Variants in TBC1D16 observed in about 807,000 individuals in gnomAD.
TBC1D16 encodes TBC1 domain family member 16.
Under a neutral mutation model 74.7 loss-of-function variants are expected in TBC1D16, and 58 were observed. The observed-to-expected ratio is 0.78, with a 90% CI of 0.63 to 0.97. TBC1D16 has a LOEUF of 0.97. Ranked by LOEUF, TBC1D16 falls within the 50% of genes least tolerant of loss-of-function variation. The pLI, the probability that TBC1D16 is intolerant of heterozygous loss-of-function variation, is 0.00. For missense variants in TBC1D16, 1,014 were observed against 1,079.5 expected, an observed-to-expected ratio of 0.94 and a Z score of 0.85; for synonymous variants, 493 against 474.7, an observed-to-expected ratio of 1.04 and a Z score of -0.50.
Position 79,961,409 on chromosome 17 carries a change from C to T in TBC1D16, c.780-8591G>A, listed in dbSNP as rs190792669. Among the ~76,000 whole-genome samples, 65 of 152,312 alleles carry T rather than the reference C, an allele frequency of 4.3e-4. No individual in the cohort carries two copies. Among genetic ancestry groups the T allele is most frequent in the African/African-American group, 1.4e-3 (57 of 41,562 alleles). On this transcript the variant is annotated intron_variant, in intron 3 of 11. Coordinates refer to ENST00000310924, the MANE Select transcript of TBC1D16 (RefSeq NM_019020.4). This position sits in a 1 kb window ranked among gnomAD's most constrained non-coding sequence, Gnocchi z 4.8. ...ACGGACTGCTGGTGGGAATGCAACA[C>T]GGCAAACCACTTTAGGAAAGCAGTT... is the stretch of plus-strand genomic sequence containing the variant.
intron 1 of TBC1D16, among the ~76,000 whole-genome samples, chr17:80,025,584 CTGCTGGGAGCACCTCCT>C (rs1194825191): frequency 1.3e-5 from 2 of 149,484 alleles, no homozygotes; most frequent in Admixed American, 6.6e-5. Context: ...GAGCAGCCGC[CTGCTGGGAGCACCTCCT>C]TGCTGGAAGC....
intron 3 of TBC1D16, among the ~76,000 whole-genome samples, chr17:79,955,954 T>C (rs1415305689): frequency 6.6e-6 from 1 of 152,216 alleles, no homozygotes; most frequent in Non-Finnish European, 1.5e-5. Flanking sequence ...GGGCCTTTTT[T>C]GACCAATAGA....
At position 79,947,632 on chromosome 17, in the gene TBC1D16, C is replaced by T; in HGVS notation, c.1728+13G>A. On this transcript the variant is annotated intron_variant, in intron 9 of 11. Coordinates refer to ENST00000310924, the MANE Select transcript of TBC1D16 (RefSeq NM_019020.4). The stretch of plus-strand genomic sequence containing the variant: ...CACATGCCCTTGGACGCACCCATCC[C>T]CCTGAGCCTCACCAGTTGTTTCTCC... 1 of 1,613,770 alleles carries T rather than the reference C, an allele frequency of 6.2e-7. No individual in the cohort carries two copies. Among genetic ancestry groups the T allele is most frequent in the Admixed American group, 1.7e-5 (1 of 60,002 alleles).
intron 3 of TBC1D16, among the ~76,000 whole-genome samples, chr17:80,006,167 C>G (rs2035668555): frequency 6.6e-6 from 1 of 151,956 alleles, no homozygotes; most frequent in African/African-American, 2.4e-5. Flanking sequence ...CCTCCCCACC[C>G]CAGAGCACCA....
chr17:79,956,554 C>T lies in TBC1D16; in HGVS notation c.780-3736G>A, dbSNP rs1305933301. 6.6e-6 allele frequency among the ~76,000 whole-genome samples: 1 copy of T among 152,068 alleles called. No homozygotes were observed. The highest frequency in any genetic ancestry group is 1.5e-5 in the Non-Finnish European group (1 of 68,012). ...CAGGCGTGAGCCACCACGCTGGGCC[C>T]GGTGGTCGCTTTAAGTTGCTGAGTT... On this transcript the variant is annotated intron_variant, in intron 3 of 11. Transcript: ENST00000310924. The surrounding 1 kb of genome is among the most constrained non-coding windows in gnomAD (Gnocchi z 4.0).
Position 79,932,870 on chromosome 17 carries a change from A to G in TBC1D16, c.*7989T>C, listed in dbSNP as rs563312415. The G allele has an allele frequency of 3.9e-5, 6 of 152,340 alleles. No homozygotes were observed. The highest frequency in any genetic ancestry group is 1.2e-4 in the African/African-American group (5 of 41,572). 9.4% of individuals were successfully genotyped at this position (152,340 alleles called of 1,614,324 possible). On this transcript the variant is annotated 3_prime_UTR_variant, in exon 12 of 12. Coordinates refer to ENST00000310924, the MANE Select transcript of TBC1D16 (RefSeq NM_019020.4). ...CCAGATGTCAATTCAGAAAATTATT[A>G]TATCATTCTAATGACTCAAAACATA... is the stretch of plus-strand genomic sequence containing the variant.
chr17:79,944,159 T>G lies in TBC1D16; in HGVS notation c.1908+749A>C, dbSNP rs1428114548. 1 of 1,535,080 alleles carries G rather than the reference T, an allele frequency of 6.5e-7. No homozygotes were observed. The highest frequency in any genetic ancestry group is 8.7e-7 in the Non-Finnish European group (1 of 1,146,254). ...GCTGACGCAAATGTCTTCCAGCAGA[T>G]GGGTGTTTGCCTCCATCTTCAGGGT... On this transcript the variant is annotated intron_variant, in intron 10 of 11. Coordinates refer to ENST00000310924, the MANE Select transcript of TBC1D16 (RefSeq NM_019020.4). The surrounding 1 kb of genome is among the most constrained non-coding windows in gnomAD (Gnocchi z 7.7).
rs780320356 is a variant in TBC1D16 at position 79,975,258 on chromosome 17, A to G, written c.780-22440T>C. ...CAGGAAAGCTAGTCTTTGGGATTCA[A>G]GGAAGAACAAAACAAACCCGATCTC... On this transcript the variant is annotated intron_variant, in intron 3 of 11. Coordinates refer to ENST00000310924, the MANE Select transcript of TBC1D16 (RefSeq NM_019020.4). The surrounding 1 kb of genome is among the most constrained non-coding windows in gnomAD (Gnocchi z 4.5). 4.6e-5 allele frequency among the ~76,000 whole-genome samples: 7 copies of G among 152,192 alleles called. No individual in the cohort carries two copies. Among genetic ancestry groups the G allele is most frequent in the Non-Finnish European group, 7.3e-5 (5 of 68,028 alleles).
In TBC1D16 at chr17:80,000,257, A is replaced by C. The variant is rs2035435501; in HGVS notation, c.779+9903T>G. Among the ~76,000 whole-genome samples, 1 of 152,140 alleles carries C rather than the reference A, an allele frequency of 6.6e-6. No homozygotes were observed. The highest frequency in any genetic ancestry group is 1.5e-5 in the Non-Finnish European group (1 of 68,024). ...TGTCCACACAGAAGCTCCCAATGTG[A>C]CCTTATTCAGAAATAGGGTCTCAGC... On this transcript the variant is annotated intron_variant, in intron 3 of 11. Coordinates refer to ENST00000310924, the MANE Select transcript of TBC1D16 (RefSeq NM_019020.4). The surrounding 1 kb of genome is among the most constrained non-coding windows in gnomAD (Gnocchi z 4.1).
intron 1 of TBC1D16, among the ~76,000 whole-genome samples, chr17:80,032,289 C>A (rs929871651): frequency 6.6e-6 from 1 of 152,206 alleles, no homozygotes; most frequent in South Asian, 2.1e-4. Flanking sequence ...CACCTTCCAA[C>A]GCCTGCACAG....
chr17:79,974,087 T>G (rs2034230926), intron 3 of TBC1D16, among the ~76,000 whole-genome samples: 1 of 152,188 alleles, frequency 6.6e-6, no homozygotes, highest in Admixed American at 6.5e-5. Flanking sequence ...TAAAGGTGAC[T>G]TGAACACAAG....
In TBC1D16 at chr17:79,954,855, C is replaced by T. The variant is rs1360572925; in HGVS notation, c.780-2037G>A. Among the ~76,000 whole-genome samples the T allele has an allele frequency of 1.3e-5, 2 of 152,172 alleles. No homozygotes were observed. The highest frequency in any genetic ancestry group is 1.3e-4 in the Admixed American group (2 of 15,284). ...CACCCAACAGCAGAATCCCCCAAAC[C>T]TGCTTGTTCCTCCCAGCACACTGTG... is the stretch of plus-strand genomic sequence containing the variant. On this transcript the variant is annotated intron_variant, in intron 3 of 11. Coordinates refer to ENST00000310924, the MANE Select transcript of TBC1D16 (RefSeq NM_019020.4). This position sits in a 1 kb window ranked among gnomAD's most constrained non-coding sequence, Gnocchi z 5.5.
At chr17:79,998,896 A>C (rs957680390) in intron 3 of TBC1D16, among the ~76,000 whole-genome samples, 1 of 152,198 alleles carries the variant, frequency 6.6e-6, no homozygotes, top group African/African-American at 2.4e-5. Flanking sequence ...GTTGAAAAAA[A>C]TCCAGAGGAG....
Position 79,952,778 on chromosome 17 carries a change from T to C in TBC1D16, c.820A>G (p.Ser274Gly), listed in dbSNP as rs779184761. 2.5e-6 allele frequency: 4 copies of C among 1,611,720 alleles called. No homozygotes were observed. The highest frequency in any genetic ancestry group is 4.5e-5 in the East Asian group (2 of 44,832). ...SSDAGLRFPDSNGLLQTPRWD... is the reference protein window; with the variant it reads ...SSDAGLRFPDGNGLLQTPRWD... The stretch of plus-strand genomic sequence containing the variant: ...CGTGGGGTCTGCAGGAGGCCGTTGC[T>C]GTCCGGGAACCGCAGGCCGGCGTCG... The change falls in exon 4 of 12, where the codon AGC becomes GGC. Residue 274 changes from serine (S) to glycine (G), a missense_variant. By Grantham distance (56) the Ser-to-Gly change is moderately conservative (BLOSUM62 0). Transcript: ENST00000310924.
At chr17:79,967,198 T>C (rs2033881160) in intron 3 of TBC1D16, among the ~76,000 whole-genome samples, 1 of 152,150 alleles carries the variant, frequency 6.6e-6, no homozygotes, top group Admixed American at 6.5e-5. Flanking sequence ...AACCTTGTGC[T>C]GGAAGGTCTA....
rs1278672997 is a variant in TBC1D16 at position 79,950,876 on chromosome 17, T to G, written c.1090-298A>C. The G allele has an allele frequency of 7.3e-6, 11 of 1,506,900 alleles. No homozygotes were observed. In the East Asian group the frequency reaches 1.2e-4, roughly 17 times the overall value. The allele number at this position is 1,506,900 out of a possible 1,614,324, so 93.3% of individuals were successfully genotyped here. On this transcript the variant is annotated intron_variant, in intron 5 of 11. Transcript: ENST00000310924. The surrounding 1 kb of genome is among the most constrained non-coding windows in gnomAD (Gnocchi z 4.6). ...AATGAATGCCTCGTTCGGCCTAACT[T>G]CCCTCTGCCGGGAGGGCCTGCAATG...
intron 3 of TBC1D16, among the ~76,000 whole-genome samples, chr17:79,960,808 A>AAAAAAG (rs2033575314): frequency 7.2e-6 from 1 of 139,534 alleles, no homozygotes; most frequent in Non-Finnish European, 1.6e-5. Context: ...AAAAAAAAAA[A>AAAAAAG]ACGAAGGAAT....
intron 3 of TBC1D16, among the ~76,000 whole-genome samples, chr17:80,006,346 T>C (rs1260273065): frequency 1.3e-5 from 2 of 152,196 alleles, no homozygotes; most frequent in Non-Finnish European, 2.9e-5. Flanking sequence ...CCAGCGATCC[T>C]AGTTTAATTG....
At position 79,950,402 on chromosome 17, in the gene TBC1D16, G is replaced by T. The variant is rs367574438; in HGVS notation, c.1257+9C>A. On this transcript the variant is annotated intron_variant, in intron 6 of 11. Coordinates refer to ENST00000310924, the MANE Select transcript of TBC1D16 (RefSeq NM_019020.4). The surrounding 1 kb of genome is among the most constrained non-coding windows in gnomAD (Gnocchi z 4.6). ...TCCGCGGGGCCAGCTGGGCGGACCC[G>T]GACCTCACCTTCCGCAGCTTGTACT... 6.2e-7 allele frequency: 1 copy of T among 1,602,154 alleles called. No homozygotes were observed. Among genetic ancestry groups the T allele is most frequent in the Non-Finnish European group, 8.5e-7 (1 of 1,175,108 alleles).
Sources: allele counts gnomAD v4.1 joint callset (sites outside exome capture counted in the v4.1 genomes callset), GRCh38; gene constraint gnomAD v4.1.1; non-coding constraint Gnocchi (gnomAD v3.1); transcripts MANE v1.5; gene names NCBI Gene and HGNC (gene_info 2026-07-23, HGNC 2026-07-21).